THSD4: variants seen among roughly 807,000 people sequenced by gnomAD.
The protein encoded by THSD4 is thrombospondin type-1 domain-containing protein 4.
A neutral mutation model predicts 119.0 loss-of-function variants in THSD4; 69 were observed. That is an observed-to-expected ratio of 0.58 (90% CI 0.48 to 0.71). The LOEUF (loss-of-function observed/expected upper bound fraction) is 0.71, where lower values mean the gene tolerates loss of function less well. THSD4 is among the 30% of genes least tolerant of loss of function. THSD4 has a pLI of 0.00. For synonymous variants in THSD4, 524 were observed against 540.4 expected (o/e 0.97, Z 0.42); for missense variants, 1,393 against 1,391.1 (o/e 1.00, Z -0.02).
chr15:71,506,747 C>T (rs1034440898), intron 7 of THSD4, among the ~76,000 whole-genome samples: 8 of 152,214 alleles, frequency 5.3e-5, no homozygotes, highest in African/African-American at 1.9e-4. Flanking sequence ...TCTGAACTGG[C>T]CCAAGGCTAC....
chr15:71,458,714 G>A (rs2047373164), intron 7 of THSD4, among the ~76,000 whole-genome samples: 1 of 152,142 alleles, frequency 6.6e-6, no homozygotes, highest in South Asian at 2.1e-4. Flanking sequence ...AGATAGCCTA[G>A]GACTTTCTAA....
intron 7 of THSD4, among the ~76,000 whole-genome samples, chr15:71,592,641 T>C (rs1321772433): frequency 6.6e-6 from 1 of 151,804 alleles, no homozygotes; most frequent in South Asian, 2.1e-4. Context: ...TATAGATAGG[T>C]CTGGGAACCC....
At chr15:71,340,263 G>T (rs1419005520) in intron 6 of THSD4, among the ~76,000 whole-genome samples, 1 of 152,192 alleles carries the variant, frequency 6.6e-6, no homozygotes, top group Non-Finnish European at 1.5e-5. Flanking sequence ...GCCAGGATGG[G>T]TCTCTCGTCC....
At chr15:71,590,918 AT>A (rs1362783854) in intron 7 of THSD4, among the ~76,000 whole-genome samples, 1 of 144,040 alleles carries the variant, frequency 6.9e-6, no homozygotes, top group Admixed American at 7.3e-5. Flanking sequence ...AGGCAGGAGA[AT>A]GGCTTGAACC....
chr15:71,474,692 C>T (rs747052942), intron 7 of THSD4, among the ~76,000 whole-genome samples: 11 of 152,178 alleles, frequency 7.2e-5, no homozygotes, highest in Non-Finnish European at 1.2e-4. Flanking sequence ...TCAAATCTTT[C>T]CTCCTAGATT....
intron 7 of THSD4, among the ~76,000 whole-genome samples, chr15:71,467,845 G>GTTTTTTTTTTTTTTTTTTTTTTTTTT (rs34603517): frequency 7.0e-6 from 1 of 143,684 alleles, no homozygotes; most frequent in Non-Finnish European, 1.5e-5. Flanking sequence ...AGATATGATG[G>GTTTTTTTTTTTTTTTTTTTTTTTTTT]TTTTTTTTTT....
intron 6 of THSD4, among the ~76,000 whole-genome samples, chr15:71,346,068 G>T (rs1465094646): frequency 6.6e-6 from 1 of 152,086 alleles, no homozygotes; most frequent in Admixed American, 6.5e-5. Context: ...TCCCAATAAT[G>T]TCCTTAGAGT....
chr15:71,394,030 G>A (rs2046411871), intron 6 of THSD4, among the ~76,000 whole-genome samples: 1 of 151,546 alleles, frequency 6.6e-6, no homozygotes, highest in Admixed American at 6.6e-5. Context: ...ACGGTTGCTT[G>A]TAAATAATAC....
At chr15:71,152,809 G>A (rs2040737444) in intron 2 of THSD4, among the ~76,000 whole-genome samples, 1 of 152,150 alleles carries the variant, frequency 6.6e-6, no homozygotes, top group East Asian at 1.9e-4. Flanking sequence ...ATGCCCTGGT[G>A]CAGGCTGTGC....
intron 3 of THSD4, among the ~76,000 whole-genome samples, chr15:71,203,697 G>A (rs2043821380): frequency 6.6e-6 from 1 of 152,168 alleles, no homozygotes; most frequent in South Asian, 2.1e-4. Context: ...GGAAGCCTGA[G>A]TGGGTGAGGG....
chr15:71,165,369 A>G, intron 3 of THSD4: 1 of 1,486,736 alleles, frequency 6.7e-7, no homozygotes, highest in Non-Finnish European at 9.3e-7. Flanking sequence ...CAAAAAATGC[A>G]TATGATGACA....
intron 7 of THSD4, among the ~76,000 whole-genome samples, chr15:71,416,222 G>A (rs1005346986): frequency 1.3e-5 from 2 of 152,280 alleles, no homozygotes; most frequent in East Asian, 3.9e-4. Context: ...TTTTGTATAT[G>A]TACCACATTT....
At chr15:71,575,247 T>C (rs2049428890) in intron 7 of THSD4, among the ~76,000 whole-genome samples, 1 of 152,194 alleles carries the variant, frequency 6.6e-6, no homozygotes, top group African/African-American at 2.4e-5. Flanking sequence ...CTGGAAAGCT[T>C]AAGGCTGAAT....
Position 71,552,758 on chromosome 15 carries a change from G to A in THSD4, c.1153-107772G>A, listed in dbSNP as rs578234154. On this transcript the variant is annotated intron_variant, in intron 7 of 17. Coordinates refer to ENST00000261862, the MANE Select transcript of THSD4 (RefSeq NM_024817.3). ...GCCTCCCAGGTTCAAGAGATTCTTC[G>A]GCTTCAGCCTCCCGAGTAGCTGGGA... Among the ~76,000 whole-genome samples the A allele has an allele frequency of 1.1e-3, 164 of 152,130 alleles. 1 individual carries two copies. The highest frequency in any genetic ancestry group is 3.5e-3 in the African/African-American group (146 of 41,512).
In THSD4 at chr15:71,403,833, A is replaced by G. The variant is rs555466984; in HGVS notation, c.1016-7854A>G. ...CCTATGGGACTTGGGGGCAAGGGAA[A>G]CTGACACATACTAATGCTCATGCTG... On this transcript the variant is annotated intron_variant, in intron 6 of 17. Transcript: ENST00000261862. Among the ~76,000 whole-genome samples the G allele has an allele frequency of 2.5e-4, 19 of 74,900 alleles. No homozygotes were observed. The East Asian group carries it at 0.011, about 44-fold the overall frequency. The allele number at this position is 74,900 out of a possible 152,430, so 49.1% of individuals were successfully genotyped here. A position where few individuals can be genotyped will look rare whatever the true frequency, so the allele number is the denominator to read the frequency against.
chr15:71,710,946 C>T (rs1277409252), intron 8 of THSD4, among the ~76,000 whole-genome samples: 1 of 152,042 alleles, frequency 6.6e-6, no homozygotes, highest in Admixed American at 6.6e-5. Flanking sequence ...ACTTAGTTTG[C>T]TTGCCTCTTA....
At chr15:71,532,283 A>AGAGAGTGTGTGTGT (rs1379506089) in intron 7 of THSD4, among the ~76,000 whole-genome samples, 15 of 101,572 alleles carry the variant, frequency 1.5e-4, no homozygotes, top group South Asian at 4.0e-4. Flanking sequence ...AGAGAGAGAG[A>AGAGAGTGTGTGTGT]GTGTGTGTGT....
chr15:71,537,025 G>A (rs1293664758), intron 7 of THSD4, among the ~76,000 whole-genome samples: 2 of 152,132 alleles, frequency 1.3e-5, no homozygotes, highest in Non-Finnish European at 2.9e-5. Flanking sequence ...AGTGTATCTA[G>A]GACCTCCCCT....
At chr15:71,727,311 A>G (rs1422876644) in intron 8 of THSD4, among the ~76,000 whole-genome samples, 1 of 152,032 alleles carries the variant, frequency 6.6e-6, no homozygotes, top group African/African-American at 2.4e-5. Context: ...ATAGAAGTGA[A>G]TGAAGCTGAC....
Sources: gnomAD v4.1 joint callset for allele counts (sites outside exome capture counted in the v4.1 genomes callset) on GRCh38, gnomAD v4.1.1 for gene constraint, MANE v1.5 for transcripts, NCBI Gene and HGNC (gene_info 2026-07-23, HGNC 2026-07-21) for gene names.